The following ASNSD1 variants were observed in gnomAD, a reference collection of about 807,000 sequenced individuals.
ASNSD1 encodes the protein asparagine synthetase domain-containing protein 1.
ASNSD1 carries 36 observed loss-of-function variants against 48.3 expected under a neutral mutation model. The ratio of observed to expected loss-of-function variants is 0.75; its 90% CI spans 0.57 to 0.99. The LOEUF (loss-of-function observed/expected upper bound fraction) is 0.99, where lower values mean the gene tolerates loss of function less well. Ranked by LOEUF, ASNSD1 falls within the 50% of genes least tolerant of loss-of-function variation. The probability of loss-of-function intolerance (pLI) is 0.00; values close to 1 mark genes in which losing one functional copy is unlikely to be tolerated. For missense variants in ASNSD1, 714 were observed against 758.2 expected (o/e 0.94, Z 0.69); for synonymous variants, 257 against 262.1 (o/e 0.98, Z 0.19).
chr2:189,670,669 A>T lies in ASNSD1; in HGVS notation c.1875A>T (p.Gly625=). The change falls in exon 6 of 6, where the codon GGA becomes GGT. Residue 625 remains glycine (G), a synonymous_variant. Coordinates refer to ENST00000260952, the MANE Select transcript of ASNSD1 (RefSeq NM_019048.4). ...ATGAAAAGGCATCTGATAAATGTGG[A>T]CGGCTCCAAATCATGTCCTTAGAAA... ...KINEKASDKC[G]RLQIMSLENL... is the part of the protein sequence containing the mutation. 2 of 1,612,978 alleles carry T rather than the reference A, an allele frequency of 1.2e-6. No individual in the cohort carries two copies. Among genetic ancestry groups the T allele is most frequent in the Non-Finnish European group, 1.7e-6 (2 of 1,179,444 alleles).
rs1430967368 is a variant in ASNSD1 at position 189,666,494 on chromosome 2, T to TTA, written c.368_369dup (p.Tyr124IlefsTer93). On this transcript the variant is annotated frameshift_variant, in exon 4 of 6. Coordinates refer to ENST00000260952, the MANE Select transcript of ASNSD1 (RefSeq NM_019048.4). LOFTEE classifies it high-confidence loss of function. ...TCAGAAGTACAAGGTCCCTGGTCAT[T>TTA]TATATATTATCAAGCATCTAGTCAT... is the stretch of plus-strand genomic sequence containing the variant. 1 of 1,613,556 alleles carries TTA rather than the reference T, an allele frequency of 6.2e-7. No individual in the cohort carries two copies. Among genetic ancestry groups the TTA allele is most frequent in the East Asian group, 2.2e-5 (1 of 44,884 alleles).
chr2:189,665,090 T>A (rs2032755311), intron 2 of ASNSD1, among the ~76,000 whole-genome samples: 1 of 152,218 alleles, frequency 6.6e-6, no homozygotes, highest in Non-Finnish European at 1.5e-5. Flanking sequence ...GAACACTTAC[T>A]GATAAGAAAA....
chr2:189,664,297 C>T (rs1291591584), intron 2 of ASNSD1, among the ~76,000 whole-genome samples: 3 of 152,152 alleles, frequency 2.0e-5, no homozygotes, highest in Admixed American at 6.5e-5. Context: ...TGAGAAGAAA[C>T]TTTTCTTTTA....
At chr2:189,661,735 C>A in intron 1 of ASNSD1, 125 bp downstream of exon 1, 1 of 397,894 alleles carries the variant, frequency 2.5e-6, no homozygotes. Flanking sequence ...CTACTTTGCT[C>A]TTTTTATTCA....
chr2:189,664,864 G>A (rs1184677703), intron 2 of ASNSD1, among the ~76,000 whole-genome samples: 1 of 152,134 alleles, frequency 6.6e-6, no homozygotes, highest in African/African-American at 2.4e-5. Flanking sequence ...TCCATTTATA[G>A]TAGTTGATAC....
intron 5 of ASNSD1, among the ~76,000 whole-genome samples, chr2:189,669,074 T>C (rs2032871947): frequency 6.6e-6 from 1 of 152,202 alleles, no homozygotes; most frequent in African/African-American, 2.4e-5. Flanking sequence ...TCTCTCTCTC[T>C]CTCTTTGACT....
Position 189,670,600 on chromosome 2 carries a change from G to T in ASNSD1, c.1806G>T (p.Arg602=). ...GLTASALLPK[R]AMQFGSRIAK... ...CAGCCTCTGCTCTTCTGCCCAAACG[G>T]GCCATGCAGTTTGGATCAAGAATTG... Residue 602 remains arginine (R), a synonymous_variant, in exon 6 of 6, where the codon CGG becomes CGT. Transcript: ENST00000260952. 1.9e-6 allele frequency: 3 copies of T among 1,613,934 alleles called. 1 individual carries two copies. In the South Asian group the frequency reaches 3.3e-5, roughly 18 times the overall value.
chr2:189,666,982 C>G lies in ASNSD1; in HGVS notation c.850C>G (p.Gln284Glu). 6.2e-7 allele frequency: 1 copy of G among 1,614,150 alleles called. No individual in the cohort carries two copies. Among genetic ancestry groups the G allele is most frequent in the Non-Finnish European group, 8.5e-7 (1 of 1,180,030 alleles). ...TGATGTACACATGAAGGAAGTAATTCAGCAGTTCATTGATGTCCTGAGTGT... is the reference window on the plus strand; with the variant it reads ...TGATGTACACATGAAGGAAGTAATTGAGCAGTTCATTGATGTCCTGAGTGT... ...LTDVHMKEVIQQFIDVLSVAV... is the reference protein window; with the variant it reads ...LTDVHMKEVIEQFIDVLSVAV... Residue 284 changes from glutamine (Q) to glutamate (E), a missense_variant, in exon 4 of 6, where the codon CAG (glutamine) becomes GAG (glutamate). By Grantham distance (29) the Gln-to-Glu change is conservative. Coordinates refer to ENST00000260952, the MANE Select transcript of ASNSD1 (RefSeq NM_019048.4).
Position 189,666,706 on chromosome 2 carries a change from A to G in ASNSD1, c.574A>G (p.Ile192Val). The G allele has an allele frequency of 2.5e-6, 4 of 1,612,504 alleles. No individual in the cohort carries two copies. The highest frequency in any genetic ancestry group is 3.4e-6 in the Non-Finnish European group (4 of 1,178,608). The change falls in exon 4 of 6, where the codon ATT becomes GTT. Residue 192 changes from isoleucine to valine, a missense_variant. Ile to Val is a conservative substitution (Grantham distance 29). Transcript: ENST00000260952. The part of the protein sequence containing the change: ...DLKSTVISGC[I>V]ILQLYPWKYI... ...TAAGTCTACTGTCATTTCCGGATGC[A>G]TTATTTTACAACTGTATCCTTGGAA...
At chr2:189,665,480 G>T in intron 3 of ASNSD1, 29 bp downstream of exon 3, 2 of 395,638 alleles carry the variant, frequency 5.1e-6, no homozygotes, top group Non-Finnish European at 8.9e-6. Flanking sequence ...GGGGTTTTTG[G>T]GGGGTGCCTA....
chr2:189,666,757 G>A lies in ASNSD1; in HGVS notation c.625G>A (p.Glu209Lys), dbSNP rs1467744718. The change falls in exon 4 of 6, where the codon GAA (glutamate) becomes AAA (lysine). Residue 209 changes from glutamate to lysine, a missense_variant. Glu to Lys is a moderately conservative substitution (Grantham distance 56). Transcript: ENST00000260952. ...WKYISRENII[E>K]ENVNSLSQIS... ...ATATATTTCTAGGGAGAATATTATT[G>A]AAGAAAATGTTAATAGCCTGAGTCA... The A allele has an allele frequency of 6.2e-7, 1 of 1,613,622 alleles. No homozygotes were observed.
chr2:189,669,553 G>T (rs2032879840), intron 5 of ASNSD1, among the ~76,000 whole-genome samples: 1 of 152,102 alleles, frequency 6.6e-6, no homozygotes, highest in Admixed American at 6.5e-5. Flanking sequence ...ATTTGCTTTT[G>T]CAACTCATTC....
chr2:189,665,615 T>C (rs556597500), intron 3 of ASNSD1, among the ~76,000 whole-genome samples, 164 bp downstream of exon 3: 5 of 106,228 alleles, frequency 4.7e-5, no homozygotes, highest in African/African-American at 1.9e-4. Flanking sequence ...TATATATATA[T>C]ATATATATAT....
Position 189,667,037 on chromosome 2 carries a change from C to G in ASNSD1, c.905C>G (p.Pro302Arg). 1 of 1,613,896 alleles carries G rather than the reference C, an allele frequency of 6.2e-7. No individual in the cohort carries two copies. Among genetic ancestry groups the G allele is most frequent in the Non-Finnish European group, 8.5e-7 (1 of 1,179,926 alleles). ...GTCAAGAAACGTGTCTTGTGTTTAC[C>G]TAGGGATGAAAACCTGACAGCAAAT... is the stretch of plus-strand genomic sequence containing the variant. ...VAVKKRVLCL[P>R]RDENLTANEV... The change falls in exon 4 of 6, where the codon CCT (proline) becomes CGT (arginine). Residue 302 changes from proline (P) to arginine (R), a missense_variant. Pro to Arg is a moderately radical substitution (Grantham distance 103). Transcript: ENST00000260952.
At position 189,666,804 on chromosome 2, in the gene ASNSD1, A is replaced by G. The variant is rs140748135; in HGVS notation, c.672A>G (p.Ala224=). The change falls in exon 4 of 6, where the codon GCA becomes GCG. Residue 224 remains alanine, a synonymous_variant. Coordinates refer to ENST00000260952, the MANE Select transcript of ASNSD1 (RefSeq NM_019048.4). ...SLSQISADLP[A]FVSVVANEAK... is the part of the protein sequence containing the mutation. ...GTCAAATTTCAGCAGACTTACCAGC[A>G]TTTGTATCAGTGGTAGCAAATGAAG... 12 of 1,614,006 alleles carry G rather than the reference A, an allele frequency of 7.4e-6. No homozygotes were observed. Among genetic ancestry groups the G allele is most frequent in the Non-Finnish European group, 1.0e-5 (12 of 1,179,968 alleles).
At position 189,667,392 on chromosome 2, in the gene ASNSD1, C is replaced by G. The variant is rs745622992; in HGVS notation, c.1260C>G (p.Ser420Arg). Residue 420 changes from serine to arginine, a missense_variant, in exon 4 of 6, where the codon AGC (serine) becomes AGG (arginine). Ser to Arg is a moderately radical substitution (Grantham distance 110). Coordinates refer to ENST00000260952, the MANE Select transcript of ASNSD1 (RefSeq NM_019048.4). ...RAGLKELQAV[S>R]PSRIWNFVEI... ...GACTAAAGGAACTACAAGCTGTTAG[C>G]CCTTCCCGAATTTGGAATTTTGTTG... 12 of 1,614,150 alleles carry G rather than the reference C, an allele frequency of 7.4e-6. No individual in the cohort carries two copies. Among genetic ancestry groups the G allele is most frequent in the Non-Finnish European group, 1.0e-5 (12 of 1,180,014 alleles).
chr2:189,666,248 TA>T lies in ASNSD1; in HGVS notation c.119del (p.Lys40SerfsTer17). 1 of 1,614,150 alleles carries T rather than the reference TA, an allele frequency of 6.2e-7. No individual in the cohort carries two copies. The highest frequency in any genetic ancestry group is 8.5e-7 in the Non-Finnish European group (1 of 1,179,994). On this transcript the variant is annotated frameshift_variant, in exon 4 of 6. Coordinates refer to ENST00000260952, the MANE Select transcript of ASNSD1 (RefSeq NM_019048.4). LOFTEE classifies it high-confidence loss of function. ...GGACCCAATAGTAGTAAACAATTGT[TA>T]AAGTCTGATGTTAACTACCAGTGTT... ...QRGPNSSKQL[L>X]KSDVNYQCLF...
At chr2:189,662,911 T>C (rs1351620901) in intron 1 of ASNSD1, among the ~76,000 whole-genome samples, 2 of 135,104 alleles carry the variant, frequency 1.5e-5, no homozygotes, top group African/African-American at 5.7e-5. Context: ...ATCGCACCAC[T>C]GCACTCCAGC....
At position 189,667,947 on chromosome 2, in the gene ASNSD1, T is replaced by G. The variant is rs762822793; in HGVS notation, c.1646+2T>G. 1 of 1,605,978 alleles carries G rather than the reference T, an allele frequency of 6.2e-7. No individual in the cohort carries two copies. The highest frequency in any genetic ancestry group is 1.1e-5 in the South Asian group (1 of 89,522). ...TGGTGATCATGGAAAAGAAGCAAGG[T>G]AATTCTAATCATTTGAGTGTTCTTA... is the stretch of plus-strand genomic sequence containing the variant. On this transcript the variant is annotated splice_donor_variant, in intron 5 of 5. Transcript: ENST00000260952. LOFTEE classifies it high-confidence loss of function.
Sources: gnomAD v4.1 joint callset for allele counts (sites outside exome capture counted in the v4.1 genomes callset) on GRCh38, gnomAD v4.1.1 for gene constraint, MANE v1.5 for transcripts, NCBI Gene and HGNC (gene_info 2026-07-23, HGNC 2026-07-21) for gene names.